The following ALPK1 variants were observed in gnomAD, a reference collection of about 807,000 sequenced individuals.
The protein encoded by ALPK1 is alpha kinase 1, also known as alpha-protein kinase 1.
ALPK1 carries 110 observed loss-of-function variants against 120.6 expected under a neutral mutation model. That is an observed-to-expected ratio of 0.91 (90% CI 0.78 to 1.07). The LOEUF is 1.07. Ranked by LOEUF, ALPK1 falls within the 50% of genes least tolerant of loss-of-function variation. The pLI is 0.00. For synonymous variants in ALPK1, 582 were observed against 560.3 expected (o/e 1.04, Z -0.55); for missense variants, 1,498 against 1,483.9 (o/e 1.01, Z -0.16).
At chr4:112,400,213 C>T (rs545496135) in intron 4 of ALPK1, among the ~76,000 whole-genome samples, 7 of 151,876 alleles carry the variant, frequency 4.6e-5, no homozygotes, top group African/African-American at 7.3e-5. Context: ...GAGAATTATC[C>T]GGGGGAAATT....
intron 2 of ALPK1, among the ~76,000 whole-genome samples, chr4:112,343,875 A>G (rs1224416211): frequency 6.6e-6 from 1 of 152,106 alleles, no homozygotes; most frequent in African/African-American, 2.4e-5. Flanking sequence ...GGCTGTTCAT[A>G]TATCCACAAG....
chr4:112,354,143 C>T (rs1730491413), intron 2 of ALPK1, among the ~76,000 whole-genome samples: 1 of 152,010 alleles, frequency 6.6e-6, no homozygotes, highest in African/African-American at 2.4e-5. Flanking sequence ...TACTGTCTCC[C>T]AGTTTGTGAT....
intron 1 of ALPK1, among the ~76,000 whole-genome samples, chr4:112,306,915 A>G (rs182059440): frequency 6.6e-6 from 1 of 151,950 alleles, no homozygotes; most frequent in African/African-American, 2.4e-5. Flanking sequence ...TCTACACTCT[A>G]CTTTAAATGT....
chr4:112,324,483 G>GT (rs1452529918), intron 2 of ALPK1, among the ~76,000 whole-genome samples: 1 of 151,774 alleles, frequency 6.6e-6, no homozygotes, highest in Admixed American at 6.6e-5. Context: ...GTTTTGTTTT[G>GT]TTTTTGTTTT....
chr4:112,325,494 G>A (rs1266622674), intron 2 of ALPK1, among the ~76,000 whole-genome samples: 1 of 152,216 alleles, frequency 6.6e-6, no homozygotes, highest in Non-Finnish European at 1.5e-5. Context: ...GGGACTTGAG[G>A]TATATTTAGG....
chr4:112,345,740 T>C (rs1242956309), intron 2 of ALPK1, among the ~76,000 whole-genome samples: 2 of 152,246 alleles, frequency 1.3e-5, no homozygotes, highest in Non-Finnish European at 2.9e-5. Flanking sequence ...CTTCAACATT[T>C]AATAGTCCAT....
intron 4 of ALPK1, among the ~76,000 whole-genome samples, chr4:112,400,557 G>C (rs746982420): frequency 1.8e-4 from 27 of 152,170 alleles, no homozygotes; most frequent in Non-Finnish European, 3.2e-4. Flanking sequence ...AAAGTATCAT[G>C]GTTGTGTTTT....
At chr4:112,331,404 A>G (rs1435228976) in intron 2 of ALPK1, among the ~76,000 whole-genome samples, 5 of 152,166 alleles carry the variant, frequency 3.3e-5, no homozygotes, top group African/African-American at 7.2e-5. Flanking sequence ...CCTCCTTGTC[A>G]TCATCCTTCA....
chr4:112,406,606 T>C (rs1285310019), intron 4 of ALPK1, among the ~76,000 whole-genome samples: 1 of 152,130 alleles, frequency 6.6e-6, no homozygotes, highest in African/African-American at 2.4e-5. Context: ...CTAAACCAAG[T>C]CATAGAAACC....
In ALPK1 at chr4:112,429,140, T is replaced by C; in HGVS notation, c.796-9T>C. ...TCACCATTCCACTTAGCCTCCTGTT[T>C]TCTCACAGAGCCTGCTGAAGGAGTT... is the stretch of plus-strand genomic sequence containing the variant. On this transcript the variant is annotated splice_polypyrimidine_tract_variant and intron_variant, in intron 9 of 15. Coordinates refer to ENST00000650871, the MANE Select transcript of ALPK1 (RefSeq NM_025144.4). 1 of 1,612,276 alleles carries C rather than the reference T, an allele frequency of 6.2e-7. No homozygotes were observed. The highest frequency in any genetic ancestry group is 1.3e-5 in the African/African-American group (1 of 75,036).
intron 4 of ALPK1, among the ~76,000 whole-genome samples, chr4:112,408,312 T>C (rs1431680522): frequency 6.6e-6 from 1 of 152,100 alleles, no homozygotes; most frequent in Non-Finnish European, 1.5e-5. Context: ...CTGAAGACAG[T>C]AGCTGAAGAT....
chr4:112,427,901 T>A (rs1734313119), intron 9 of ALPK1: 1 of 346,998 alleles, frequency 2.9e-6, no homozygotes, highest in East Asian at 4.3e-5. Flanking sequence ...TACTGGTGAA[T>A]GAATGAATGA....
chr4:112,423,419 A>G (rs1236949410), intron 5 of ALPK1, among the ~76,000 whole-genome samples: 1 of 152,212 alleles, frequency 6.6e-6, no homozygotes, highest in Admixed American at 6.5e-5. Context: ...ACCTAGAGAA[A>G]GGAATGTTTG....
intron 1 of ALPK1, among the ~76,000 whole-genome samples, chr4:112,303,532 A>C (rs1055365822): frequency 1.8e-4 from 27 of 152,092 alleles, no homozygotes; most frequent in African/African-American, 6.3e-4. Context: ...ATATCGATCC[A>C]TTCTCACTTG....
intron 2 of ALPK1, among the ~76,000 whole-genome samples, chr4:112,361,586 C>T (rs150461479): frequency 6.6e-6 from 1 of 152,332 alleles, no homozygotes; most frequent in East Asian, 1.9e-4. Flanking sequence ...AGAGTCTGAG[C>T]TTAGACACGC....
intron 1 of ALPK1, among the ~76,000 whole-genome samples, chr4:112,306,033 T>TTATATG (rs1295266789): frequency 3.9e-5 from 6 of 152,126 alleles, no homozygotes; most frequent in African/African-American, 1.5e-4. Context: ...TTGGTTCTAT[T>TTATATG]TATATGCTGG....
At chr4:112,441,134 T>C in intron 15 of ALPK1, 29 bp downstream of exon 15, 1 of 1,613,966 alleles carries the variant, frequency 6.2e-7, no homozygotes, top group Non-Finnish European at 8.5e-7. Flanking sequence ...GGATTGGTAA[T>C]GTGACAGACC....
chr4:112,377,981 T>C, intron 3 of ALPK1, 83 bp downstream of exon 3: 1 of 1,382,368 alleles, frequency 7.2e-7, no homozygotes, highest in South Asian at 1.7e-5. Context: ...TTCTTATCTC[T>C]GCCCTATTTT....
chr4:112,398,258 G>A (rs541027740), intron 4 of ALPK1, among the ~76,000 whole-genome samples: 194 of 152,216 alleles, frequency 1.3e-3, no homozygotes, highest in African/African-American at 4.5e-3. Context: ...ATATCATATA[G>A]GATTTTATTG....
Sources: allele counts gnomAD v4.1 joint callset (sites outside exome capture counted in the v4.1 genomes callset), GRCh38; gene constraint gnomAD v4.1.1; transcripts MANE v1.5; gene names NCBI Gene and HGNC (gene_info 2026-07-23, HGNC 2026-07-21).